Variants in LINGO2 observed in about 807,000 individuals in gnomAD.
LINGO2 encodes leucine rich repeat and Ig domain containing 2.
Under a neutral mutation model 30.6 loss-of-function variants are expected in LINGO2, and 14 were observed. That is an observed-to-expected ratio of 0.46 (90% confidence interval 0.30 to 0.72). The LOEUF (loss-of-function observed/expected upper bound fraction) is 0.72, where lower values mean the gene tolerates loss of function less well. LINGO2 is among the 30% of genes least tolerant of loss of function. LINGO2 has a pLI of 0.07. For synonymous variants in LINGO2, 317 were observed against 288.5 expected, an observed-to-expected ratio of 1.10 and a Z score of -1.00; for missense variants, 729 against 751.7, an observed-to-expected ratio of 0.97 and a Z score of 0.35.
the LINGO2 span, among the ~76,000 whole-genome samples, chr9:29,071,447 A>C: frequency 6.8e-6 from 1 of 146,638 alleles, no homozygotes; most frequent in Non-Finnish European, 1.5e-5. Flanking sequence ...GAGATAATTT[A>C]ATACACAACT....
At chr9:28,044,032 A>T (rs1186365439) in intron 4 of LINGO2, among the ~76,000 whole-genome samples, 1 of 152,192 alleles carries the variant, frequency 6.6e-6, no homozygotes, top group Non-Finnish European at 1.5e-5. Flanking sequence ...GTGAAGCTCC[A>T]TGCCTTTGTA....
intron 2 of LINGO2, among the ~76,000 whole-genome samples, chr9:28,433,966 T>TATATATATATATATACAC (rs752778212): frequency 6.5e-4 from 65 of 99,978 alleles, no homozygotes; most frequent in Non-Finnish European, 1.3e-3. Context: ...TATATATATA[T>TATATATATATATATACAC]ACACACACAC....
chr9:28,810,455 A>C, the LINGO2 span, among the ~76,000 whole-genome samples: 12 of 152,168 alleles, frequency 7.9e-5, no homozygotes, highest in African/African-American at 2.7e-4. Flanking sequence ...GATTGTAAGG[A>C]GATGTCACCT....
chr9:29,022,474 C>A, the LINGO2 span, among the ~76,000 whole-genome samples: 1 of 152,142 alleles, frequency 6.6e-6, no homozygotes, highest in African/African-American at 2.4e-5. Context: ...TACATTTCCT[C>A]TGTCAGGTGA....
chr9:28,036,862 T>C, intron 4 of LINGO2, among the ~76,000 whole-genome samples: 1 of 152,160 alleles, frequency 6.6e-6, no homozygotes, highest in South Asian at 2.1e-4. Context: ...ACACAGAAAA[T>C]ATAATGACTA....
chr9:28,390,180 G>A lies in LINGO2; in HGVS notation c.-278-17312C>T, dbSNP rs146320502. On this transcript the variant is annotated intron_variant, in intron 2 of 5. Transcript: ENST00000379992. ...TCCTACCTCAGCTCATTGCTTCCAC[G>A]GTTTCTGCCTTCTGCTGTACGATGC... Among the ~76,000 whole-genome samples the A allele has an allele frequency of 7.2e-5, 11 of 152,218 alleles. 1 individual carries two copies. In the East Asian group the frequency reaches 2.1e-3, roughly 29 times the overall value.
At chr9:29,159,827 T>C in the LINGO2 span, among the ~76,000 whole-genome samples, 2 of 126,324 alleles carry the variant, frequency 1.6e-5, no homozygotes. Flanking sequence ...CACTCCAGCC[T>C]GGGCCAAAAA....
At position 28,190,404 on chromosome 9, in the gene LINGO2, A is replaced by C. The variant is rs531456296; in HGVS notation, c.-87+104804T>G. ...ACCGAATATTTTTGTTCCCCACAAA[A>C]ATTTACATGTTGAAATCCTAACCCC... On this transcript the variant is annotated intron_variant, in intron 4 of 5. Coordinates refer to ENST00000379992, the Ensembl canonical transcript of LINGO2. Among the ~76,000 whole-genome samples, 188 of 152,248 alleles carry C rather than the reference A, an allele frequency of 1.2e-3. 1 individual carries two copies. Among genetic ancestry groups the C allele is most frequent in the Admixed American group, 5.2e-3 (79 of 15,292 alleles).
chr9:28,099,865 C>T (rs1476103735), intron 4 of LINGO2, among the ~76,000 whole-genome samples: 1 of 152,162 alleles, frequency 6.6e-6, no homozygotes, highest in Non-Finnish European at 1.5e-5. Flanking sequence ...TTGTTCAACT[C>T]AGACCCTTTA....
intron 1 of LINGO2, among the ~76,000 whole-genome samples, chr9:28,527,907 G>A (rs532011953): frequency 1.3e-5 from 2 of 152,088 alleles, no homozygotes; most frequent in South Asian, 4.2e-4. Flanking sequence ...TCTTATATAG[G>A]GCTTTTAAAC....
At chr9:28,489,785 C>G (rs967362099) in intron 1 of LINGO2, among the ~76,000 whole-genome samples, 1 of 150,466 alleles carries the variant, frequency 6.6e-6, no homozygotes, top group South Asian at 2.1e-4. Flanking sequence ...GTAATCTCAG[C>G]TACTCCGGAG....
chr9:28,084,223 A>G (rs1825847369), intron 4 of LINGO2, among the ~76,000 whole-genome samples: 1 of 152,118 alleles, frequency 6.6e-6, no homozygotes, highest in Non-Finnish European at 1.5e-5. Flanking sequence ...AAAAGAGACA[A>G]CTTTGTTGGT....
intron 4 of LINGO2, among the ~76,000 whole-genome samples, chr9:28,217,507 C>G (rs1820810361): frequency 6.6e-6 from 1 of 152,038 alleles, no homozygotes; most frequent in African/African-American, 2.4e-5. Context: ...ACTGTTTTCA[C>G]AGTTTTCTCT....
chr9:28,530,510 C>A (rs1036673779), intron 1 of LINGO2, among the ~76,000 whole-genome samples: 5 of 152,144 alleles, frequency 3.3e-5, no homozygotes, highest in Non-Finnish European at 7.4e-5. Flanking sequence ...CGGCCCCATG[C>A]ACAGGTTGAC....
chr9:28,988,208 C>T, the LINGO2 span, among the ~76,000 whole-genome samples: 4 of 152,118 alleles, frequency 2.6e-5, no homozygotes, highest in Non-Finnish European at 5.9e-5. Flanking sequence ...TATCTAGGTG[C>T]TCCCATGTTG....
the LINGO2 span, among the ~76,000 whole-genome samples, chr9:28,714,162 A>AT: frequency 1.1e-5 from 1 of 94,230 alleles, no homozygotes; most frequent in East Asian, 3.4e-4. Context: ...TATGCCTCAA[A>AT]TAATATATAT....
intron 4 of LINGO2, among the ~76,000 whole-genome samples, chr9:28,029,206 C>A (rs755612869): frequency 6.6e-6 from 1 of 152,100 alleles, no homozygotes; most frequent in African/African-American, 2.4e-5. Context: ...TCATCTAGAA[C>A]AGTGATTTTC....
At chr9:28,849,309 T>C in the LINGO2 span, among the ~76,000 whole-genome samples, 17 of 152,102 alleles carry the variant, frequency 1.1e-4, no homozygotes, top group South Asian at 3.5e-3. Flanking sequence ...TACAACGCTG[T>C]CCCTGGCATG....
At chr9:28,288,967 T>A (rs764866324) in intron 4 of LINGO2, among the ~76,000 whole-genome samples, 21 of 152,332 alleles carry the variant, frequency 1.4e-4, no homozygotes, top group Middle Eastern at 6.8e-3. Context: ...CTTTATAGCT[T>A]AATGTTGCTT....
Sources: gnomAD v4.1 joint callset for allele counts (sites outside exome capture counted in the v4.1 genomes callset) on GRCh38, gnomAD v4.1.1 for gene constraint, MANE v1.5 for transcripts, NCBI Gene and HGNC (gene_info 2026-07-23, HGNC 2026-07-21) for gene names.